HSD17B12: variants seen among roughly 807,000 people sequenced by gnomAD.
The protein encoded by HSD17B12 is very-long-chain 3-oxoacyl-CoA reductase.
HSD17B12 carries 32 observed loss-of-function variants against 39.3 expected under a neutral mutation model. The ratio of observed to expected loss-of-function variants is 0.81; its 90% CI spans 0.61 to 1.09. HSD17B12 has a LOEUF of 1.09. Among genes scored for constraint, HSD17B12 ranks in the 50% least tolerant of loss-of-function variants. HSD17B12 has a pLI of 0.00. For synonymous variants in HSD17B12, 150 were observed against 146.7 expected (o/e 1.02, Z -0.16); for missense variants, 342 against 382.9 (o/e 0.89, Z 0.89).
intron 3 of HSD17B12, among the ~76,000 whole-genome samples, chr11:43,766,629 G>A (rs1049536182): frequency 2.0e-5 from 3 of 152,302 alleles, no homozygotes; most frequent in South Asian, 2.1e-4. Flanking sequence ...CTTTTAAAGA[G>A]AGACAAGGAC....
At chr11:43,850,209 G>C (rs976915390) in intron 9 of HSD17B12, among the ~76,000 whole-genome samples, 1 of 152,078 alleles carries the variant, frequency 6.6e-6, no homozygotes, top group Non-Finnish European at 1.5e-5. Flanking sequence ...GCCTTTATAT[G>C]GAAAAGCTAA....
the HSD17B12 span, among the ~76,000 whole-genome samples, chr11:43,635,928 C>T: frequency 2.9e-3 from 442 of 152,214 alleles, 9 homozygotes; most frequent in East Asian, 0.074. Flanking sequence ...CATGAGGATA[C>T]AGAAAGGAAA....
chr11:43,748,152 T>TA (rs111419872), intron 1 of HSD17B12, among the ~76,000 whole-genome samples: 2,226 of 152,256 alleles, frequency 0.015, 20 homozygotes, highest in Middle Eastern at 0.065. Context: ...GATGAAAAGT[T>TA]ACAGAAAATT....
intron 1 of HSD17B12, among the ~76,000 whole-genome samples, chr11:43,736,455 G>A (rs1950317541): frequency 6.6e-6 from 1 of 152,148 alleles, no homozygotes; most frequent in Admixed American, 6.6e-5. Flanking sequence ...GCTCAGTGGG[G>A]AACCTGAAAG....
intron 3 of HSD17B12, among the ~76,000 whole-genome samples, chr11:43,789,021 T>C (rs1259618102): frequency 2.0e-5 from 3 of 152,206 alleles, no homozygotes; most frequent in African/African-American, 7.2e-5. Flanking sequence ...GAATTTTCTT[T>C]CCGCTTCTCT....
rs1245009693 is a variant in HSD17B12, at chr11:43,855,330, T to C, written c.*82T>C. On this transcript the variant is annotated 3_prime_UTR_variant, in exon 11 of 11. Coordinates refer to ENST00000278353, the MANE Select transcript of HSD17B12 (RefSeq NM_016142.3). ...CAAAGCACCCTACTGGTTTTGAAAATCTGACCTTGTCATTTCAATAGTTAT... is the reference window on the plus strand; with the variant it reads ...CAAAGCACCCTACTGGTTTTGAAAACCTGACCTTGTCATTTCAATAGTTAT... 2.8e-6 allele frequency: 2 copies of C among 704,486 alleles called. No individual in the cohort carries two copies. The highest frequency in any genetic ancestry group is 4.7e-6 in the Non-Finnish European group (2 of 429,842). The allele number at this position is 704,486 out of a possible 1,614,324, so 43.6% of individuals were successfully genotyped here. A position where few individuals can be genotyped will look rare whatever the true frequency, so the allele number is the denominator to read the frequency against.
chr11:43,618,846 G>A, the HSD17B12 span, among the ~76,000 whole-genome samples: 1 of 151,990 alleles, frequency 6.6e-6, no homozygotes, highest in Non-Finnish European at 1.5e-5. Flanking sequence ...CAACTTCTAA[G>A]CTGAATTGGT....
chr11:43,616,953 C>T, the HSD17B12 span, among the ~76,000 whole-genome samples: 3 of 139,570 alleles, frequency 2.1e-5, no homozygotes, highest in African/African-American at 2.7e-5. Flanking sequence ...GCCTGGGTGG[C>T]AGAACAAGAC....
At chr11:43,809,459 C>A (rs1951048551) in intron 4 of HSD17B12, among the ~76,000 whole-genome samples, 1 of 152,152 alleles carries the variant, frequency 6.6e-6, no homozygotes, top group African/African-American at 2.4e-5. Context: ...TACACTGTTA[C>A]TAAAGTATAC....
chr11:43,842,674 A>T (rs1400031595), intron 9 of HSD17B12, among the ~76,000 whole-genome samples: 1 of 152,232 alleles, frequency 6.6e-6, no homozygotes, highest in African/African-American at 2.4e-5. Flanking sequence ...ATGGGAAGGT[A>T]TCACATGCCA....
intron 9 of HSD17B12, among the ~76,000 whole-genome samples, chr11:43,846,558 AG>A (rs1951476695): frequency 2.0e-5 from 3 of 152,156 alleles, no homozygotes; most frequent in Admixed American, 2.0e-4. Context: ...CAGCTACTGT[AG>A]GGGGCTGAGG....
intron 3 of HSD17B12, among the ~76,000 whole-genome samples, chr11:43,773,955 T>A (rs1950673710): frequency 6.6e-6 from 1 of 152,216 alleles, no homozygotes; most frequent in Non-Finnish European, 1.5e-5. Context: ...TGCCTCTCTT[T>A]TCTGTTTCTG....
chr11:43,631,410 C>T, the HSD17B12 span, among the ~76,000 whole-genome samples: 2 of 152,126 alleles, frequency 1.3e-5, no homozygotes, highest in South Asian at 4.1e-4. Context: ...AGAACATGTC[C>T]CATCCTAATA....
At chr11:43,816,286 A>T in intron 5 of HSD17B12, 61 bp from the exon 6 acceptor site, 1 of 1,304,110 alleles carries the variant, frequency 7.7e-7, no homozygotes, top group Non-Finnish European at 1.0e-6. Flanking sequence ...ACCTAAGTAG[A>T]TATCTAATAG....
intron 1 of HSD17B12, among the ~76,000 whole-genome samples, chr11:43,736,439 A>G (rs1016087310): frequency 3.3e-5 from 5 of 152,080 alleles, no homozygotes; most frequent in African/African-American, 1.2e-4. Context: ...AGTCGAAGAG[A>G]GGGCTGCTCA....
intron 4 of HSD17B12, among the ~76,000 whole-genome samples, chr11:43,811,858 C>T (rs1016545073): frequency 6.6e-6 from 1 of 152,122 alleles, no homozygotes; most frequent in Non-Finnish European, 1.5e-5. Context: ...ATCCTCTCTT[C>T]ATCCCTCACC....
chr11:43,667,453 T>G, the HSD17B12 span, among the ~76,000 whole-genome samples: 143 of 152,294 alleles, frequency 9.4e-4, no homozygotes, highest in African/African-American at 3.4e-3. Flanking sequence ...CCTGAGTTTA[T>G]TTTTTAACTA....
the HSD17B12 span, chr11:43,569,580 C>T: frequency 2.6e-5 from 4 of 152,226 alleles, no homozygotes; most frequent in Non-Finnish European, 4.4e-5. Context: ...GCTGGTAAGA[C>T]TGATCATCCC....
intron 6 of HSD17B12, among the ~76,000 whole-genome samples, chr11:43,819,216 CTT>C (rs1326509274): frequency 3.9e-5 from 6 of 152,122 alleles, no homozygotes; most frequent in South Asian, 4.1e-4. Context: ...AGTATTTTCT[CTT>C]ATAACCTCCT....
Sources: allele counts gnomAD v4.1 joint callset (sites outside exome capture counted in the v4.1 genomes callset), GRCh38; gene constraint gnomAD v4.1.1; transcripts MANE v1.5; gene names NCBI Gene and HGNC (gene_info 2026-07-23, HGNC 2026-07-21).